Variants in RFX7 observed in about 807,000 individuals in gnomAD.
RFX7 encodes DNA-binding protein RFX7.
RFX7 carries 26 observed loss-of-function variants against 111.8 expected under a neutral mutation model. That is an observed-to-expected ratio of 0.23 (90% CI 0.17 to 0.32). The LOEUF (loss-of-function observed/expected upper bound fraction) is 0.32, where lower values mean the gene tolerates loss of function less well. Ranked by LOEUF, RFX7 falls within the 10% of genes least tolerant of loss-of-function variation. The pLI, the probability that RFX7 is intolerant of heterozygous loss-of-function variation, is 1.00. For synonymous variants in RFX7, 624 were observed against 624.4 expected (o/e 1.00, Z 0.01); for missense variants, 1,573 against 1,772.9 (o/e 0.89, Z 2.02).
intron 2 of RFX7, among the ~76,000 whole-genome samples, chr15:56,186,879 A>G (rs546107477): frequency 3.3e-4 from 50 of 152,188 alleles, no homozygotes; most frequent in Non-Finnish European, 5.7e-4. Context: ...GCTATAATCA[A>G]AGCAGGGTAT....
At position 56,087,901 on chromosome 15, in the gene RFX7, A is replaced by G. The variant is rs1426267679; in HGVS notation, c.*5444T>C. 6.1e-6 allele frequency: 2 copies of G among 325,824 alleles called. No individual in the cohort carries two copies. The highest frequency in any genetic ancestry group is 1.2e-5 in the Non-Finnish European group (2 of 168,086). 20.2% of individuals were successfully genotyped at this position (325,824 alleles called of 1,614,324 possible). ...GTGATTTAAACATAAATATGACTAG[A>G]GTATACCTGTATGAAATATGCTTGA... On this transcript the variant is annotated 3_prime_UTR_variant, in exon 10 of 10. Coordinates refer to ENST00000559447, the MANE Select transcript of RFX7 (RefSeq NM_022841.7).
chr15:56,162,761 C>T (rs1293079704), intron 3 of RFX7, among the ~76,000 whole-genome samples: 1 of 151,942 alleles, frequency 6.6e-6, no homozygotes, highest in Admixed American at 6.6e-5. Flanking sequence ...AATGGCATGG[C>T]CTTATATAAA....
At position 56,095,808 on chromosome 15, in the gene RFX7, A is replaced by G. The variant is rs964400691; in HGVS notation, c.1920T>C (p.Pro640=). 1 of 1,612,092 alleles carries G rather than the reference A, an allele frequency of 6.2e-7. No individual in the cohort carries two copies. The highest frequency in any genetic ancestry group is 1.7e-5 in the Admixed American group (1 of 60,010). The change falls in exon 10 of 10, where the codon CCT becomes CCC. Residue 640 remains proline (P), a synonymous_variant. Coordinates refer to ENST00000559447, the MANE Select transcript of RFX7 (RefSeq NM_022841.7). ...NLTFTSSSSP[P]NGDSINKDPK... ...GGTCTTTATTGATTGAGTCACCATT[A>G]GGTGGTGAGCTGCTGCTGGTGAAAG...
At chr15:56,163,191 T>C (rs1225154846) in intron 3 of RFX7, among the ~76,000 whole-genome samples, 3 of 152,148 alleles carry the variant, frequency 2.0e-5, no homozygotes, top group African/African-American at 7.2e-5. Context: ...GGGAAGAAGA[T>C]AATTTTTTGG....
At chr15:56,107,431 C>G (rs948099658) in intron 5 of RFX7, among the ~76,000 whole-genome samples, 16 of 150,444 alleles carry the variant, frequency 1.1e-4, no homozygotes, top group Admixed American at 4.6e-4. Flanking sequence ...CACTCAAAAT[C>G]CATGGTAACA....
In RFX7 at chr15:56,095,014, G is replaced by A. The variant is rs1308405198; in HGVS notation, c.2714C>T (p.Ser905Phe). ...EQQMSMNNSH[S>F]YGNCLGMTLQ... ...GGTCATTCCCAAACAGTTGCCGTAA[G>A]AATGAGAATTGTTCATTGACATTTG... is the stretch of plus-strand genomic sequence containing the variant. Residue 905 changes from serine to phenylalanine, a missense_variant, in exon 10 of 10, where the codon TCT becomes TTT. Physicochemically the swap from Ser to Phe is radical, Grantham distance 155. Coordinates refer to ENST00000559447, the MANE Select transcript of RFX7 (RefSeq NM_022841.7). 6.2e-7 allele frequency: 1 copy of A among 1,613,710 alleles called. No individual in the cohort carries two copies. The highest frequency in any genetic ancestry group is 8.5e-7 in the Non-Finnish European group (1 of 1,179,822).
chr15:56,145,208 A>C (rs2042451862), intron 3 of RFX7, among the ~76,000 whole-genome samples: 1 of 152,198 alleles, frequency 6.6e-6, no homozygotes, highest in African/African-American at 2.4e-5. Flanking sequence ...AGTTTGCCAT[A>C]ATGGCTCCAA....
At chr15:56,113,041 TA>T (rs1297691082) in intron 5 of RFX7, among the ~76,000 whole-genome samples, 1 of 152,266 alleles carries the variant, frequency 6.6e-6, no homozygotes, top group African/African-American at 2.4e-5. Flanking sequence ...GGAACACTTT[TA>T]CACTGTTGGT....
intron 5 of RFX7, among the ~76,000 whole-genome samples, chr15:56,121,378 ATTTG>A (rs1443984168): frequency 6.6e-6 from 1 of 151,948 alleles, no homozygotes; most frequent in Non-Finnish European, 1.5e-5. Flanking sequence ...ATTGTATGTT[ATTTG>A]TTTGTTTTAT....
chr15:56,139,852 T>C (rs1487682865), intron 5 of RFX7, among the ~76,000 whole-genome samples: 4 of 152,304 alleles, frequency 2.6e-5, no homozygotes, highest in African/African-American at 4.8e-5. Context: ...CCCTCAGCTG[T>C]AGGTCTGTTG....
chr15:56,114,709 A>C (rs1211274297), intron 5 of RFX7, among the ~76,000 whole-genome samples: 1 of 152,044 alleles, frequency 6.6e-6, no homozygotes, highest in Non-Finnish European at 1.5e-5. Context: ...ATTTATATAT[A>C]AAAAAACTAT....
chr15:56,164,524 T>C (rs1351956643), intron 3 of RFX7, among the ~76,000 whole-genome samples: 1 of 152,200 alleles, frequency 6.6e-6, no homozygotes, highest in Non-Finnish European at 1.5e-5. Context: ...AGGGAAATAA[T>C]ATCTATTGCA....
chr15:56,135,032 G>A (rs2042278804), intron 5 of RFX7, among the ~76,000 whole-genome samples: 1 of 152,222 alleles, frequency 6.6e-6, no homozygotes, highest in Admixed American at 6.5e-5. Flanking sequence ...CATTTGGGTT[G>A]GTTCCAAGTC....
chr15:56,137,855 C>T (rs1253009870), intron 5 of RFX7, among the ~76,000 whole-genome samples: 1 of 151,998 alleles, frequency 6.6e-6, no homozygotes, highest in Non-Finnish European at 1.5e-5. Flanking sequence ...TTTATTTCTG[C>T]CTTCATTTCA....
chr15:56,184,218 T>A (rs1313785104), intron 2 of RFX7, among the ~76,000 whole-genome samples: 2 of 146,844 alleles, frequency 1.4e-5, no homozygotes, highest in African/African-American at 5.1e-5. Context: ...TTTTTTTTTT[T>A]AGTAGAGACG....
At chr15:56,112,525 A>T (rs1373312511) in intron 5 of RFX7, among the ~76,000 whole-genome samples, 1 of 152,166 alleles carries the variant, frequency 6.6e-6, no homozygotes. Context: ...TAAAGACTTA[A>T]ATGTAAAACC....
chr15:56,202,513 A>T (rs60210425), intron 2 of RFX7, among the ~76,000 whole-genome samples: 19,799 of 152,206 alleles, frequency 0.13, 1,675 homozygotes, highest in East Asian at 0.44. Context: ...AGCTATACTT[A>T]AAAGTTTGGG....
At chr15:56,239,660 T>G (rs1486415489) in intron 2 of RFX7, among the ~76,000 whole-genome samples, 2 of 152,126 alleles carry the variant, frequency 1.3e-5, no homozygotes, top group Middle Eastern at 3.2e-3. Context: ...GATTTTGGAG[T>G]GTTTCAGATT....
chr15:56,149,082 CAAAA>C (rs34272707), intron 3 of RFX7, among the ~76,000 whole-genome samples: 2 of 78,928 alleles, frequency 2.5e-5, no homozygotes, highest in Admixed American at 1.4e-4. Context: ...GACTCCGTCT[CAAAA>C]AAAAAAAAAA....
Sources: allele counts gnomAD v4.1 joint callset (sites outside exome capture counted in the v4.1 genomes callset), GRCh38; gene constraint gnomAD v4.1.1; transcripts MANE v1.5; gene names NCBI Gene and HGNC (gene_info 2026-07-23, HGNC 2026-07-21).